TENT4B: variants seen among roughly 807,000 people sequenced by gnomAD.
TENT4B encodes the protein PAP associated domain containing 5.
A neutral mutation model predicts 75.0 loss-of-function variants in TENT4B; 10 were observed. The observed-to-expected ratio is 0.13, with a 90% CI of 0.08 to 0.23. TENT4B has a LOEUF of 0.23. Among genes scored for constraint, TENT4B ranks in the 10% least tolerant of loss-of-function variants. The pLI is 1.00. For missense variants in TENT4B, 579 were observed against 893.8 expected (o/e 0.65, Z 4.49); for synonymous variants, 350 against 357.7 (o/e 0.98, Z 0.24).
At chr16:50,161,628 T>G (rs1482231351) in intron 1 of TENT4B, among the ~76,000 whole-genome samples, 1 of 152,220 alleles carries the variant, frequency 6.6e-6, no homozygotes, top group Non-Finnish European at 1.5e-5. Flanking sequence ...TCCTCATACA[T>G]AGCCCTACTA....
chr16:50,153,370 C>T lies in TENT4B; in HGVS notation c.-252C>T, dbSNP rs1597209052. 2.9e-5 allele frequency among the ~76,000 whole-genome samples: 1 copy of T among 34,366 alleles called. No homozygotes were observed. Among genetic ancestry groups the T allele is most frequent in the African/African-American group, 1.1e-4 (1 of 9,212 alleles). 22.5% of individuals were successfully genotyped at this position (34,366 alleles called of 152,430 possible). A position where few individuals can be genotyped will look rare whatever the true frequency, so the allele number is the denominator to read the frequency against. Reference sequence around the variant, plus strand: ...GGGGACCCCAGTGACAGGGGCTCGGCGGAGGGGCGGAGGGGCGGAGGGAGG... The same window carrying T: ...GGGGACCCCAGTGACAGGGGCTCGGTGGAGGGGCGGAGGGGCGGAGGGAGG... On this transcript the variant is annotated 5_prime_UTR_variant, in exon 1 of 12. Coordinates refer to ENST00000561678, the MANE Select transcript of TENT4B (RefSeq NM_001365324.3).
At chr16:50,201,628 T>C (rs543873958) in intron 1 of TENT4B, among the ~76,000 whole-genome samples, 1 of 151,012 alleles carries the variant, frequency 6.6e-6, no homozygotes, top group African/African-American at 2.4e-5. Context: ...AGATCTCTTG[T>C]GGTCAGGAGT....
At chr16:50,200,542 T>C (rs2030571646) in intron 1 of TENT4B, among the ~76,000 whole-genome samples, 1 of 152,012 alleles carries the variant, frequency 6.6e-6, no homozygotes, top group Non-Finnish European at 1.5e-5. Context: ...CTCACCAGCA[T>C]TTGGTGTTGT....
At position 50,235,009 on chromosome 16, in the gene TENT4B, G is replaced by A; in HGVS notation, c.*5681G>A. On this transcript the variant is annotated 3_prime_UTR_variant, in exon 12 of 12. Coordinates refer to ENST00000561678, the MANE Select transcript of TENT4B (RefSeq NM_001365324.3). ...CTTGAAAACTTTCCAATCTTGTCTA[G>A]TTACCACTGCAGAGACACTAAGGAA... 1.0e-6 allele frequency: 1 copy of A among 985,816 alleles called. No homozygotes were observed. Among genetic ancestry groups the A allele is most frequent in the South Asian group, 4.7e-5 (1 of 21,290 alleles). The allele number at this position is 985,816 out of a possible 1,614,324, so 61.1% of individuals were successfully genotyped here.
At chr16:50,155,597 C>G (rs933095975) in intron 1 of TENT4B, among the ~76,000 whole-genome samples, 1 of 152,106 alleles carries the variant, frequency 6.6e-6, no homozygotes, top group Non-Finnish European at 1.5e-5. Context: ...AAAATGCAGT[C>G]AAGCGTTCTA....
chr16:50,226,734 G>A (rs28477189), intron 10 of TENT4B, among the ~76,000 whole-genome samples: 3,087 of 152,204 alleles, frequency 0.02, 102 homozygotes, highest in African/African-American at 0.071. Context: ...TTTTAGTTGA[G>A]ATATAGTTAA....
chr16:50,195,014 G>T (rs1393326817), intron 1 of TENT4B, among the ~76,000 whole-genome samples: 1 of 152,090 alleles, frequency 6.6e-6, no homozygotes, highest in Non-Finnish European at 1.5e-5. Flanking sequence ...CTCCCAAAGT[G>T]CTGGGATTAC....
intron 1 of TENT4B, among the ~76,000 whole-genome samples, chr16:50,202,958 C>T (rs1417478212): frequency 6.6e-6 from 1 of 152,136 alleles, no homozygotes; most frequent in Non-Finnish European, 1.5e-5. Flanking sequence ...CTGGCAGTGG[C>T]ATTTAAAAGG....
intron 11 of TENT4B, among the ~76,000 whole-genome samples, chr16:50,228,388 C>CA (rs1171996991): frequency 1.3e-5 from 2 of 152,170 alleles, no homozygotes; most frequent in Non-Finnish European, 2.9e-5. Flanking sequence ...TACCTTGTTG[C>CA]TGGTGTTGAA....
chr16:50,233,169 A>AAT lies in TENT4B; in HGVS notation c.*3841_*3842insAT. ...TGATAGTAATTTTCATCAGGGTCAT[A>AAT]GTTCATCTAGTAAAATATTTAGAGA... is the stretch of plus-strand genomic sequence containing the variant. On this transcript the variant is annotated 3_prime_UTR_variant, in exon 12 of 12. Coordinates refer to ENST00000561678, the MANE Select transcript of TENT4B (RefSeq NM_001365324.3). 1.0e-6 allele frequency: 1 copy of AAT among 984,618 alleles called. No homozygotes were observed. Among genetic ancestry groups the AAT allele is most frequent in the Non-Finnish European group, 1.2e-6 (1 of 829,152 alleles). 61.0% of individuals were successfully genotyped at this position (984,618 alleles called of 1,614,324 possible). A position where few individuals can be genotyped will look rare whatever the true frequency, so the allele number is the denominator to read the frequency against.
intron 1 of TENT4B, among the ~76,000 whole-genome samples, chr16:50,169,700 T>C (rs1367607193): frequency 6.6e-6 from 1 of 152,194 alleles, no homozygotes; most frequent in Non-Finnish European, 1.5e-5. Flanking sequence ...GGTCTGTTAA[T>C]GAGCTGTCAC....
At position 50,235,075 on chromosome 16, in the gene TENT4B, T is replaced by C; in HGVS notation, c.*5747T>C. The C allele has an allele frequency of 1.0e-6, 1 of 979,382 alleles. No homozygotes were observed. The highest frequency in any genetic ancestry group is 1.2e-6 in the Non-Finnish European group (1 of 824,118). 60.7% of individuals were successfully genotyped at this position (979,382 alleles called of 1,614,324 possible). A position where few individuals can be genotyped will look rare whatever the true frequency, so the allele number is the denominator to read the frequency against. ...TATTTGATACAAGTGATTTAAGAAA[T>C]CTCAACATTTCCTGAGGCCGTATCA... is the stretch of plus-strand genomic sequence containing the variant. On this transcript the variant is annotated 3_prime_UTR_variant, in exon 12 of 12. Transcript: ENST00000561678.
At chr16:50,160,253 T>G (rs570185874) in intron 1 of TENT4B, among the ~76,000 whole-genome samples, 2 of 152,334 alleles carry the variant, frequency 1.3e-5, no homozygotes, top group South Asian at 4.1e-4. Context: ...CTGTGATCAT[T>G]GAATACTGTC....
intron 1 of TENT4B, among the ~76,000 whole-genome samples, chr16:50,189,582 G>A (rs910243609): frequency 1.3e-5 from 2 of 152,056 alleles, no homozygotes; most frequent in Non-Finnish European, 2.9e-5. Context: ...AGCATGTGGT[G>A]CATTTCTTGT....
intron 1 of TENT4B, among the ~76,000 whole-genome samples, chr16:50,193,418 A>G (rs1433163438): frequency 2.0e-5 from 3 of 149,056 alleles, no homozygotes; most frequent in African/African-American, 5.0e-5. Context: ...GCTCACTGCA[A>G]CCTCTGCCTC....
At chr16:50,216,923 G>A in intron 4 of TENT4B, among the ~76,000 whole-genome samples, 1 of 152,022 alleles carries the variant, frequency 6.6e-6, no homozygotes, top group East Asian at 1.9e-4. Context: ...AATCCTGTCA[G>A]CTTTTTAGAA....
At chr16:50,190,593 G>GT (rs1319899421) in intron 1 of TENT4B, among the ~76,000 whole-genome samples, 1 of 152,024 alleles carries the variant, frequency 6.6e-6, no homozygotes, top group African/African-American at 2.4e-5. Flanking sequence ...GTTCATCCAT[G>GT]TTGCAGCATG....
In TENT4B at chr16:50,161,094, A is replaced by G. The variant is rs983614938; in HGVS notation, c.638+6835A>G. Reference sequence around the variant, plus strand: ...TAGAATGTTCTTTCCACCCCAGAATATTTGGTAGGGACTCAGCTGCTGTGG... The same window carrying G: ...TAGAATGTTCTTTCCACCCCAGAATGTTTGGTAGGGACTCAGCTGCTGTGG... On this transcript the variant is annotated intron_variant, in intron 1 of 11. Coordinates refer to ENST00000561678, the MANE Select transcript of TENT4B (RefSeq NM_001365324.3). 7.2e-5 allele frequency among the ~76,000 whole-genome samples: 11 copies of G among 152,158 alleles called. 1 individual carries two copies. The highest frequency in any genetic ancestry group is 2.7e-4 in the African/African-American group (11 of 41,438).
chr16:50,193,820 G>T (rs2030020810), intron 1 of TENT4B, among the ~76,000 whole-genome samples: 1 of 152,186 alleles, frequency 6.6e-6, no homozygotes, highest in Non-Finnish European at 1.5e-5. Context: ...TGGCAGACCT[G>T]TCTTAGAGTA....
Sources: allele counts gnomAD v4.1 joint callset (sites outside exome capture counted in the v4.1 genomes callset), GRCh38; gene constraint gnomAD v4.1.1; transcripts MANE v1.5; gene names NCBI Gene and HGNC (gene_info 2026-07-23, HGNC 2026-07-21).